Variants in COL22A1 observed in about 807,000 individuals in gnomAD.
COL22A1 encodes the protein collagen type XXII alpha 1 chain.
A neutral mutation model predicts 248.9 loss-of-function variants in COL22A1; 221 were observed. The ratio of observed to expected loss-of-function variants is 0.89; its 90% CI spans 0.80 to 0.99. The LOEUF (loss-of-function observed/expected upper bound fraction) is 0.99, where lower values mean the gene tolerates loss of function less well. Among genes scored for constraint, COL22A1 ranks in the 50% least tolerant of loss-of-function variants. The pLI is 0.00. For synonymous variants in COL22A1, 891 were observed against 793.4 expected (o/e 1.12, Z -2.07); for missense variants, 2,240 against 2,179.0 (o/e 1.03, Z -0.56).
rs994722879 is a variant in COL22A1 at position 138,596,798 on chromosome 8, G to C, written c.4432+106C>G. 4 of 1,011,178 alleles carry C rather than the reference G, an allele frequency of 4.0e-6. No individual in the cohort carries two copies. The African/African-American group carries it at 6.4e-5, about 16-fold the overall frequency. The allele number at this position is 1,011,178 out of a possible 1,614,324, so 62.6% of individuals were successfully genotyped here. ...CTGATAGTCTACACTTGAGCTGCCG[G>C]TCAAGTGCTTTTCTTATTCCAGGAT... On this transcript the variant is annotated intron_variant, in intron 62 of 64. Transcript: ENST00000303045.
At chr8:138,845,430 AC>A (rs1821173417) in intron 3 of COL22A1, among the ~76,000 whole-genome samples, 2 of 151,724 alleles carry the variant, frequency 1.3e-5, no homozygotes, top group Non-Finnish European at 2.9e-5. Flanking sequence ...AATCGCTTGA[AC>A]CTGGGAGGCG....
chr8:138,892,691 C>G (rs1171516828), intron 1 of COL22A1, among the ~76,000 whole-genome samples: 1 of 152,186 alleles, frequency 6.6e-6, no homozygotes, highest in Non-Finnish European at 1.5e-5. Flanking sequence ...ACAAGCCAGC[C>G]CATTGCCATA....
In COL22A1 at chr8:138,787,264, G is replaced by GA. The variant is rs199802419; in HGVS notation, c.1597-6285dup. Among the ~76,000 whole-genome samples the GA allele has an allele frequency of 6.1e-3, 914 of 149,140 alleles. 9 individuals are homozygous for GA. The highest frequency in any genetic ancestry group is 0.021 in the African/African-American group (847 of 40,640). ...TAAGGATCCACAATAAAGCACAGAA[G>GA]AAAAAAAAGGAAAAGAAAGGAAAGG... On this transcript the variant is annotated intron_variant, in intron 12 of 64. Transcript: ENST00000303045.
At chr8:138,792,691 T>C (rs1234976093) in intron 12 of COL22A1, among the ~76,000 whole-genome samples, 1 of 152,244 alleles carries the variant, frequency 6.6e-6, no homozygotes, top group Non-Finnish European at 1.5e-5. Flanking sequence ...ACCAGGTCCC[T>C]GGCTGTCTCT....
intron 5 of COL22A1, 82 bp downstream of exon 5, chr8:138,832,957 G>A: frequency 3.2e-6 from 3 of 928,206 alleles, no homozygotes; most frequent in Non-Finnish European, 1.8e-6. Flanking sequence ...TCGGTGCCAA[G>A]TATGAAACAG....
chr8:138,712,343 G>A (rs1050539365), intron 30 of COL22A1, among the ~76,000 whole-genome samples: 10 of 152,258 alleles, frequency 6.6e-5, no homozygotes, highest in Non-Finnish European at 1.2e-4. Context: ...TAAAGTTGCC[G>A]TGGAACTAGA....
intron 15 of COL22A1, chr8:138,778,102 G>A (rs891274377): frequency 1.2e-5 from 7 of 564,014 alleles, no homozygotes; most frequent in Non-Finnish European, 2.2e-5. Context: ...AGATTCCTGG[G>A]ATCTACCCTG....
intron 47 of COL22A1, among the ~76,000 whole-genome samples, chr8:138,639,698 T>C (rs1027600338): frequency 1.3e-5 from 2 of 152,206 alleles, no homozygotes; most frequent in South Asian, 4.1e-4. Flanking sequence ...AAAAGCTAAA[T>C]GAGACTTTTG....
In COL22A1 at chr8:138,690,852, G is replaced by A. The variant is rs762522073; in HGVS notation, c.2777C>T (p.Ala926Val). 2.5e-6 allele frequency: 4 copies of A among 1,610,348 alleles called. No individual in the cohort carries two copies. The highest frequency in any genetic ancestry group is 2.2e-5 in the South Asian group (2 of 90,226). Residue 926 changes from alanine (A) to valine (V), a missense_variant, in exon 36 of 65, where the codon GCC (alanine) becomes GTC (valine). Coordinates refer to ENST00000303045, the MANE Select transcript of COL22A1 (RefSeq NM_152888.3). ...TCCTGGAGGGCCACTGGGACCGGGGGCACCGACATGTCCGGGAGCACCCTG... is the reference window on the plus strand; with the variant it reads ...TCCTGGAGGGCCACTGGGACCGGGGACACCGACATGTCCGGGAGCACCCTG... ...GNPGAPGHVGAPGPSGPPGSV... is the reference protein window; with the variant it reads ...GNPGAPGHVGVPGPSGPPGSV...
At chr8:138,626,610 C>T (rs964810433) in intron 50 of COL22A1, among the ~76,000 whole-genome samples, 3 of 152,192 alleles carry the variant, frequency 2.0e-5, no homozygotes, top group African/African-American at 7.2e-5. Context: ...TCCTGAAATT[C>T]ACATTCTCTA....
At chr8:138,910,503 C>T (rs1024557254) in intron 1 of COL22A1, among the ~76,000 whole-genome samples, 1 of 152,172 alleles carries the variant, frequency 6.6e-6, no homozygotes, top group African/African-American at 2.4e-5. Context: ...TCCCAGAACT[C>T]TCTCTGTTCC....
intron 3 of COL22A1, among the ~76,000 whole-genome samples, chr8:138,846,750 ATC>A (rs1232004200): frequency 2.6e-5 from 4 of 152,138 alleles, no homozygotes; most frequent in Non-Finnish European, 5.9e-5. Flanking sequence ...TTGGAGAATG[ATC>A]TGTTTATTTC....
chr8:138,883,241 T>G lies in COL22A1; in HGVS notation c.-69A>C. On this transcript the variant is annotated 5_prime_UTR_variant, in exon 2 of 65. It removes an upstream start codon present in the reference 5' UTR. Transcript: ENST00000303045. ...GACGCTGTTAGGGTCTACAGCAGCA[T>G]GGCCTGTGTGGAGAAAGACACCCTT... 2 of 1,436,980 alleles carry G rather than the reference T, an allele frequency of 1.4e-6. No homozygotes were observed. Among genetic ancestry groups the G allele is most frequent in the Non-Finnish European group, 1.9e-6 (2 of 1,052,080 alleles). 89.0% of individuals were successfully genotyped at this position (1,436,980 alleles called of 1,614,324 possible). A position where few individuals can be genotyped will look rare whatever the true frequency, so the allele number is the denominator to read the frequency against.
chr8:138,763,554 G>A (rs566035049), intron 16 of COL22A1, among the ~76,000 whole-genome samples: 1 of 152,236 alleles, frequency 6.6e-6, no homozygotes, highest in East Asian at 1.9e-4. Context: ...ACTCAGGCCT[G>A]GTGTTCCCAG....
At chr8:138,678,994 C>T (rs972006824) in intron 40 of COL22A1, among the ~76,000 whole-genome samples, 1 of 152,164 alleles carries the variant, frequency 6.6e-6, no homozygotes, top group Admixed American at 6.5e-5. Flanking sequence ...TGGCTCACTG[C>T]AGCTTTGACC....
chr8:138,833,600 C>A (rs1371950041), intron 4 of COL22A1, among the ~76,000 whole-genome samples: 1 of 152,184 alleles, frequency 6.6e-6, no homozygotes, highest in Non-Finnish European at 1.5e-5. Context: ...AACAGTTTGG[C>A]AGCTTTTAAT....
intron 3 of COL22A1, among the ~76,000 whole-genome samples, chr8:138,858,387 T>G (rs1822204456): frequency 6.6e-6 from 1 of 152,206 alleles, no homozygotes; most frequent in Non-Finnish European, 1.5e-5. Flanking sequence ...TTGTTTTGAT[T>G]TGTTTTGTTT....
At chr8:138,810,086 A>G (rs758795674) in intron 9 of COL22A1, among the ~76,000 whole-genome samples, 1 of 152,214 alleles carries the variant, frequency 6.6e-6, no homozygotes, top group Non-Finnish European at 1.5e-5. Flanking sequence ...AGCAGGTGCT[A>G]AATGAATAAC....
rs565696603 is a variant in COL22A1 at position 138,867,026 on chromosome 8, A to G, written c.658+10724T>C. Among the ~76,000 whole-genome samples, 3 of 152,314 alleles carry G rather than the reference A, an allele frequency of 2.0e-5. No individual in the cohort carries two copies. The South Asian group carries it at 6.2e-4, about 32-fold the overall frequency. On this transcript the variant is annotated intron_variant, in intron 3 of 64. Transcript: ENST00000303045. The stretch of plus-strand genomic sequence containing the variant: ...TGGCAGCAACTCCAGATTCTCAGTC[A>G]TCACCTCAGAGTATATTATCCGATG...
Sources: allele counts gnomAD v4.1 joint callset (sites outside exome capture counted in the v4.1 genomes callset), GRCh38; gene constraint gnomAD v4.1.1; transcripts MANE v1.5; gene names NCBI Gene and HGNC (gene_info 2026-07-23, HGNC 2026-07-21).